Variants in AHCYL2 observed in about 807,000 individuals in gnomAD.
The protein encoded by AHCYL2 is adenosylhomocysteinase like 2.
AHCYL2 carries 28 observed loss-of-function variants against 81.4 expected under a neutral mutation model. That is an observed-to-expected ratio of 0.34 (90% CI 0.25 to 0.47). AHCYL2 has a LOEUF of 0.47. AHCYL2 is among the 20% of genes least tolerant of loss of function. The pLI is 1.00. For synonymous variants in AHCYL2, 272 were observed against 290.2 expected, an observed-to-expected ratio of 0.94 and a Z score of 0.64; for missense variants, 551 against 785.1, an observed-to-expected ratio of 0.70 and a Z score of 3.56.
chr7:129,328,791 T>C (rs541008861), intron 1 of AHCYL2, among the ~76,000 whole-genome samples: 1 of 152,188 alleles, frequency 6.6e-6, no homozygotes, highest in Non-Finnish European at 1.5e-5. Flanking sequence ...CAGCCTGATT[T>C]GGCTTTCTAA....
intron 1 of AHCYL2, among the ~76,000 whole-genome samples, chr7:129,350,714 CTT>C (rs56115169): frequency 2.7e-3 from 335 of 122,098 alleles, no homozygotes; most frequent in African/African-American, 5.3e-3. Context: ...TTCTTTCTTT[CTT>C]TTTTTTTTTT....
chr7:129,292,419 A>C (rs991547416), intron 1 of AHCYL2, among the ~76,000 whole-genome samples: 1 of 152,232 alleles, frequency 6.6e-6, no homozygotes, highest in African/African-American at 2.4e-5. Context: ...GACTAGGGCT[A>C]TATATCATTC....
chr7:129,256,559 C>CCA (rs1384537141), intron 1 of AHCYL2, among the ~76,000 whole-genome samples: 1 of 138,312 alleles, frequency 7.2e-6, no homozygotes, highest in Admixed American at 7.3e-5. Flanking sequence ...ACCCCCCCCC[C>CCA]GCCTTAATCT....
Position 129,375,911 on chromosome 7 carries a change from T to A in AHCYL2, c.364-3727T>A, listed in dbSNP as rs771378942. The A allele has an allele frequency of 2.6e-6, 4 of 1,536,128 alleles. No individual in the cohort carries two copies. The South Asian group carries it at 3.6e-5, about 14-fold the overall frequency. On this transcript the variant is annotated intron_variant, in intron 1 of 16. Transcript: ENST00000325006. ...AGAAATACATTGTTAATGGCAACTC[T>A]GGGATTAAGGCCCAGGTGAGGCTAA...
In AHCYL2 at chr7:129,240,021, C is replaced by T. The variant is rs567897375; in HGVS notation, c.363+14582C>T. Among the ~76,000 whole-genome samples, 20 of 152,060 alleles carry T rather than the reference C, an allele frequency of 1.3e-4. No homozygotes were observed. In the South Asian group the frequency reaches 4.0e-3, roughly 30 times the overall value. On this transcript the variant is annotated intron_variant, in intron 1 of 16. Coordinates refer to ENST00000325006, the MANE Select transcript of AHCYL2 (RefSeq NM_015328.4). ...GGTGGATCACCTGAGGTTGAGAGTT[C>T]GAGACCAGCTTGACCAACATGGAGA...
At chr7:129,255,613 T>C (rs539116372) in intron 1 of AHCYL2, among the ~76,000 whole-genome samples, 1 of 152,376 alleles carries the variant, frequency 6.6e-6, no homozygotes, top group Admixed American at 6.5e-5. Context: ...CGCGCATGTT[T>C]AGCAATTCTT....
chr7:129,425,146 G>A lies in AHCYL2; in HGVS notation c.1708+5G>A. The A allele has an allele frequency of 1.9e-6, 3 of 1,611,130 alleles. No individual in the cohort carries two copies. The highest frequency in any genetic ancestry group is 2.5e-6 in the Non-Finnish European group (3 of 1,178,656). ...ACCTGTTGCCCAAGAAGATGGGTAAGTATTTACTCTTCCATCTCCATCCTT... is the reference window on the plus strand; with the variant it reads ...ACCTGTTGCCCAAGAAGATGGGTAAATATTTACTCTTCCATCTCCATCCTT... On this transcript the variant is annotated splice_donor_5th_base_variant and intron_variant, in intron 15 of 16. Coordinates refer to ENST00000325006, the MANE Select transcript of AHCYL2 (RefSeq NM_015328.4).
At chr7:129,283,247 T>G (rs1233509497) in intron 1 of AHCYL2, 1 of 402,320 alleles carries the variant, frequency 2.5e-6, no homozygotes, top group Non-Finnish European at 4.9e-6. Flanking sequence ...GGTTCCTCCT[T>G]CATTAAACTG....
chr7:129,365,030 T>C (rs1794057401), intron 1 of AHCYL2, among the ~76,000 whole-genome samples: 1 of 152,138 alleles, frequency 6.6e-6, no homozygotes, highest in Non-Finnish European at 1.5e-5. Flanking sequence ...AAATTTTAAA[T>C]TTGGTAATTT....
chr7:129,261,282 A>G (rs908680597), intron 1 of AHCYL2, among the ~76,000 whole-genome samples: 1 of 152,228 alleles, frequency 6.6e-6, no homozygotes, highest in Admixed American at 6.5e-5. Flanking sequence ...TTAGATCACC[A>G]GAAAATTTAT....
At chr7:129,282,763 T>A (rs1796490306) in intron 1 of AHCYL2, among the ~76,000 whole-genome samples, 1 of 152,124 alleles carries the variant, frequency 6.6e-6, no homozygotes, top group Non-Finnish European at 1.5e-5. Flanking sequence ...CCTGTTTAGG[T>A]ACTGGATTTT....
intron 1 of AHCYL2, among the ~76,000 whole-genome samples, chr7:129,235,842 G>C (rs891825190): frequency 5.9e-5 from 9 of 152,018 alleles, no homozygotes; most frequent in African/African-American, 2.2e-4. Flanking sequence ...AATTTCCTAA[G>C]TCTATATTGT....
chr7:129,415,185 A>G (rs1015236994), intron 12 of AHCYL2, among the ~76,000 whole-genome samples: 21 of 152,312 alleles, frequency 1.4e-4, no homozygotes, highest in Admixed American at 1.2e-3. Flanking sequence ...GATCAAGGAT[A>G]TTAGTATTTC....
At chr7:129,304,689 A>T (rs751229560) in intron 1 of AHCYL2, among the ~76,000 whole-genome samples, 31 of 152,146 alleles carry the variant, frequency 2.0e-4, no homozygotes, top group Non-Finnish European at 3.1e-4. Context: ...TGTCTGATAC[A>T]AATACAGTTA....
chr7:129,415,141 T>C (rs1796782665), intron 12 of AHCYL2, among the ~76,000 whole-genome samples: 1 of 152,218 alleles, frequency 6.6e-6, no homozygotes, highest in South Asian at 2.1e-4. Context: ...TTGCTTAAGT[T>C]TCATTTATGT....
chr7:129,308,497 C>G (rs1350651919), intron 1 of AHCYL2, among the ~76,000 whole-genome samples: 2 of 152,206 alleles, frequency 1.3e-5, no homozygotes, highest in African/African-American at 4.8e-5. Flanking sequence ...TTTTCAGTAC[C>G]TCTTTCAGTG....
chr7:129,356,652 C>G (rs1793743751), intron 1 of AHCYL2, among the ~76,000 whole-genome samples: 1 of 152,090 alleles, frequency 6.6e-6, no homozygotes, highest in Non-Finnish European at 1.5e-5. Context: ...AGCAATGTAT[C>G]CTCATTCCAG....
chr7:129,414,846 G>A (rs545893604), intron 12 of AHCYL2, among the ~76,000 whole-genome samples: 1 of 152,296 alleles, frequency 6.6e-6, no homozygotes, highest in Non-Finnish European at 1.5e-5. Flanking sequence ...CTTAAGCAAA[G>A]TATGCTTTCA....
At chr7:129,376,774 C>G (rs1425509762) in intron 1 of AHCYL2, among the ~76,000 whole-genome samples, 1 of 152,158 alleles carries the variant, frequency 6.6e-6, no homozygotes, top group African/African-American at 2.4e-5. Context: ...CACGGTTTAT[C>G]TATTCTTCTT....
Sources: gnomAD v4.1 joint callset for allele counts (sites outside exome capture counted in the v4.1 genomes callset) on GRCh38, gnomAD v4.1.1 for gene constraint, MANE v1.5 for transcripts, NCBI Gene and HGNC (gene_info 2026-07-23, HGNC 2026-07-21) for gene names.